The following EPN1 variants were observed in gnomAD, a reference collection of about 807,000 sequenced individuals.
The protein encoded by EPN1 is epsin-1.
Under a neutral mutation model 56.9 loss-of-function variants are expected in EPN1, and 25 were observed. That is an observed-to-expected ratio of 0.44 (90% CI 0.32 to 0.61). The LOEUF is 0.61. EPN1 is among the 20% of genes least tolerant of loss of function. The pLI, the probability that EPN1 is intolerant of heterozygous loss-of-function variation, is 0.05. For synonymous variants in EPN1, 411 were observed against 361.8 expected (o/e 1.14, Z -1.54); for missense variants, 785 against 823.7 (o/e 0.95, Z 0.58).
In EPN1 at chr19:55,695,250, C is replaced by T. The variant is rs1600111527; in HGVS notation, c.1625C>T (p.Pro542Leu). 2 of 1,611,780 alleles carry T rather than the reference C, an allele frequency of 1.2e-6. No individual in the cohort carries two copies. Among genetic ancestry groups the T allele is most frequent in the East Asian group, 2.2e-5 (1 of 44,786 alleles). The change falls in exon 11 of 11, where the codon CCT (proline) becomes CTT (leucine). Residue 542 changes from proline to leucine, a missense_variant. Transcript: ENST00000270460. This position sits in a 1 kb window ranked among gnomAD's most constrained non-coding sequence, Gnocchi z 4.4. Reference sequence around the variant, plus strand: ...CGTCTCAGTCCTGTGCCTCCCGTCCCTGGAGCGCCACCCACGTACATCTCT... The same window carrying T: ...CGTCTCAGTCCTGTGCCTCCCGTCCTTGGAGCGCCACCCACGTACATCTCT... ...QLRLSPVPPV[P>L]GAPPTYISPL... is the part of the protein sequence containing the mutation.
At position 55,685,457 on chromosome 19, in the gene EPN1, A is replaced by G. The variant is rs369542282; in HGVS notation, c.290A>G (p.Lys97Arg). 5 of 1,611,766 alleles carry G rather than the reference A, an allele frequency of 3.1e-6. No homozygotes were observed. Among genetic ancestry groups the G allele is most frequent in the Non-Finnish European group, 4.2e-6 (5 of 1,179,152 alleles). The change falls in exon 3 of 11, where the codon AAG becomes AGG. Residue 97 changes from lysine (K) to arginine (R), a missense_variant. Physicochemically the swap from Lys to Arg is conservative, Grantham distance 26 (BLOSUM62 2). Transcript: ENST00000270460. ...TGSERVSQQC[K>R]ENMYAVQTLK... ...TCGGAGCGCGTGTCGCAGCAGTGCA[A>G]GGAGAACATGTACGCCGTGCAGACG...
rs1367847003 is a variant in EPN1 at position 55,703,605 on chromosome 19, T to G, written c.*8249T>G. 1.3e-5 allele frequency: 2 copies of G among 152,248 alleles called. No individual in the cohort carries two copies. The highest frequency in any genetic ancestry group is 6.5e-5 in the Admixed American group (1 of 15,272). 9.4% of individuals were successfully genotyped at this position (152,248 alleles called of 1,614,324 possible). A position where few individuals can be genotyped will look rare whatever the true frequency, so the allele number is the denominator to read the frequency against. ...CCCCAAAGTACTGGGATTACAGGCGTGAGCCACTGGGCGCAGCCTGGGATC... is the reference window on the plus strand; with the variant it reads ...CCCCAAAGTACTGGGATTACAGGCGGGAGCCACTGGGCGCAGCCTGGGATC... On this transcript the variant is annotated 3_prime_UTR_variant, in exon 11 of 11. Coordinates refer to ENST00000270460, the MANE Select transcript of EPN1 (RefSeq NM_001130072.2).
At position 55,689,289 on chromosome 19, in the gene EPN1, T is replaced by C; in HGVS notation, c.604-8T>C. On this transcript the variant is annotated splice_region_variant and splice_polypyrimidine_tract_variant and intron_variant, in intron 4 of 10. Coordinates refer to ENST00000270460, the MANE Select transcript of EPN1 (RefSeq NM_001130072.2). The surrounding 1 kb of genome is among the most constrained non-coding windows in gnomAD (Gnocchi z 5.7). ...CCCGTCATGCCCCTCACACTCTCTC[T>C]CCCCCAGCCCCCGTCCTGCGGCCCC... 1 of 1,542,194 alleles carries C rather than the reference T, an allele frequency of 6.5e-7. No individual in the cohort carries two copies. The highest frequency in any genetic ancestry group is 2.0e-5 in the Admixed American group (1 of 50,492).
In EPN1 at chr19:55,692,740, C is replaced by T. The variant is rs752631135; in HGVS notation, c.1121C>T (p.Ala374Val). The T allele has an allele frequency of 2.3e-5, 36 of 1,578,628 alleles. No individual in the cohort carries two copies. In the South Asian group the frequency reaches 3.7e-4, roughly 16 times the overall value. The change falls in exon 8 of 11, where the codon GCC becomes GTC. Residue 374 changes from alanine to valine, a missense_variant. Ala to Val is a moderately conservative substitution (Grantham distance 64). Around this residue, in one of 2 missense-constraint regions of EPN1, gnomAD observed 650 missense variants for 605.0 expected, o/e 1.07. Transcript: ENST00000270460. The part of the protein sequence containing the change: ...SASDPWTPAP[A>V]FSDPWGGSPA... ...TCCGATCCCTGGACACCGGCCCCGG[C>T]CTTCTCAGATCCCTGGGGAGGGTCA...
rs368796961 is a variant in EPN1, at chr19:55,700,556, G to A, written c.*5200G>A. On this transcript the variant is annotated 3_prime_UTR_variant, in exon 11 of 11. Transcript: ENST00000270460. Reference sequence around the variant, plus strand: ...ATTACAGGCGTGAGCCACGGCACCCGGCCCATAATTACAAACTTTCTGAGG... The same window carrying A: ...ATTACAGGCGTGAGCCACGGCACCCAGCCCATAATTACAAACTTTCTGAGG... The A allele has an allele frequency of 1.7e-4, 25 of 143,306 alleles. 5 individuals are homozygous for A. Among genetic ancestry groups the A allele is most frequent in the African/African-American group, 6.7e-4 (22 of 33,024 alleles). 8.9% of individuals were successfully genotyped at this position (143,306 alleles called of 1,614,324 possible).
chr19:55,688,808 A>G lies in EPN1; in HGVS notation c.479-62A>G, dbSNP rs376912724. 3.4e-5 allele frequency: 53 copies of G among 1,549,032 alleles called. No homozygotes were observed. The African/African-American group carries it at 4.8e-4, about 14-fold the overall frequency. On this transcript the variant is annotated intron_variant, in intron 3 of 10. Transcript: ENST00000270460. ...ACAGAAGCCCCCGTCTGTCTAGGCT[A>G]TGGGGTTTCCTGTCTCTCGTTCCCT...
intron 3 of EPN1, among the ~76,000 whole-genome samples, chr19:55,688,336 C>T (rs1351408488): frequency 1.3e-5 from 2 of 152,092 alleles, no homozygotes; most frequent in African/African-American, 4.8e-5. Flanking sequence ...CTCTCCCTTC[C>T]CCTCCTGCTC....
chr19:55,688,004 A>G (rs1238816534), intron 3 of EPN1, among the ~76,000 whole-genome samples: 1 of 152,198 alleles, frequency 6.6e-6, no homozygotes, highest in Non-Finnish European at 1.5e-5. Flanking sequence ...ACACAGGTGC[A>G]AGGCGGCGTC....
At position 55,708,252 on chromosome 19, in the gene EPN1, A is replaced by G. The variant is rs1278330069; in HGVS notation, c.*12896A>G. ...CATCATCTTGCTTTTATGTTTTGTA[A>G]TAAAAATTTTAGACCAGGCCAATAA... On this transcript the variant is annotated 3_prime_UTR_variant, in exon 11 of 11. Coordinates refer to ENST00000270460, the MANE Select transcript of EPN1 (RefSeq NM_001130072.2). 6.6e-6 allele frequency: 1 copy of G among 152,220 alleles called. No individual in the cohort carries two copies. Among genetic ancestry groups the G allele is most frequent in the Non-Finnish European group, 1.5e-5 (1 of 68,042 alleles). The allele number at this position is 152,220 out of a possible 1,614,324, so 9.4% of individuals were successfully genotyped here.
intron 1 of EPN1, chr19:55,676,917 A>G (rs1481042532): frequency 6.8e-5 from 29 of 427,904 alleles, no homozygotes; most frequent in Non-Finnish European, 5.9e-5. Flanking sequence ...TTCTGTCAGA[A>G]CTGTCTTCTA....
In EPN1 at chr19:55,691,260, G is replaced by A. The variant is rs563728743; in HGVS notation, c.763-494G>A. ...ACGGCGGGGCAACGTAGGGGGCATC[G>A]TGAGGGGTGCTCAGGTTGACCTGAG... On this transcript the variant is annotated intron_variant, in intron 6 of 10. Transcript: ENST00000270460. The surrounding 1 kb of genome is among the most constrained non-coding windows in gnomAD (Gnocchi z 5.6). 5.3e-5 allele frequency among the ~76,000 whole-genome samples: 8 copies of A among 152,246 alleles called. No individual in the cohort carries two copies. In the South Asian group the frequency reaches 8.3e-4, roughly 16 times the overall value.
At position 55,697,726 on chromosome 19, in the gene EPN1, G is replaced by A. The variant is rs1439638654; in HGVS notation, c.*2370G>A. 6.6e-6 allele frequency: 1 copy of A among 152,132 alleles called. No homozygotes were observed. Among genetic ancestry groups the A allele is most frequent in the Non-Finnish European group, 1.5e-5 (1 of 68,036 alleles). The allele number at this position is 152,132 out of a possible 1,614,324, so 9.4% of individuals were successfully genotyped here. ...TTTCTAGAATATTCCAGCCACCAAA[G>A]TGCTCAGCAGGAGCTGCTGTGTAGG... On this transcript the variant is annotated 3_prime_UTR_variant, in exon 11 of 11. Transcript: ENST00000270460.
At chr19:55,684,465 C>A (rs1986030379) in intron 2 of EPN1, among the ~76,000 whole-genome samples, 1 of 152,164 alleles carries the variant, frequency 6.6e-6, no homozygotes, top group South Asian at 2.1e-4. Flanking sequence ...GTCCCCCCGC[C>A]CCCACTATTA....
chr19:55,689,304 C>T lies in EPN1; in HGVS notation c.611C>T (p.Ser204Phe). Residue 204 changes from serine (S) to phenylalanine (F), a missense_variant, in exon 5 of 11, where the codon TCC becomes TTC. Coordinates refer to ENST00000270460, the MANE Select transcript of EPN1 (RefSeq NM_001130072.2). The surrounding 1 kb of genome is among the most constrained non-coding windows in gnomAD (Gnocchi z 5.7). Reference sequence around the variant, plus strand: ...ACACTCTCTCTCCCCCAGCCCCCGTCCTGCGGCCCCGAGGACGACGCCCAG... The same window carrying T: ...ACACTCTCTCTCCCCCAGCCCCCGTTCTGCGGCCCCGAGGACGACGCCCAG... ...MSKEEADQPP[S>F]CGPEDDAQLQ... 1 of 1,549,982 alleles carries T rather than the reference C, an allele frequency of 6.5e-7. No homozygotes were observed. Among genetic ancestry groups the T allele is most frequent in the Non-Finnish European group, 8.7e-7 (1 of 1,146,098 alleles).
At chr19:55,680,023 A>G (rs1985706328) in intron 2 of EPN1, among the ~76,000 whole-genome samples, 1 of 152,120 alleles carries the variant, frequency 6.6e-6, no homozygotes, top group African/African-American at 2.4e-5. Flanking sequence ...CTGGGGGCAG[A>G]CACAGAGTGG....
Position 55,688,933 on chromosome 19 carries a change from G to A in EPN1, c.542G>A (p.Ser181Asn). Residue 181 changes from serine to asparagine, a missense_variant, in exon 4 of 11, where the codon AGC (serine) becomes AAC (asparagine). Transcript: ENST00000270460. The part of the protein sequence containing the change: ...PEAEQAWPQS[S>N]GEEELQLQLA... Reference sequence around the variant, plus strand: ...GCGGAGCAGGCGTGGCCGCAGAGCAGCGGGGAGGAGGAGCTGCAGCTCCAG... The same window carrying A: ...GCGGAGCAGGCGTGGCCGCAGAGCAACGGGGAGGAGGAGCTGCAGCTCCAG... 6.3e-7 allele frequency: 1 copy of A among 1,595,626 alleles called. No homozygotes were observed. The highest frequency in any genetic ancestry group is 8.5e-7 in the Non-Finnish European group (1 of 1,173,010).
intron 1 of EPN1, chr19:55,677,668 C>T (rs1214332404): frequency 2.6e-6 from 4 of 1,551,406 alleles, no homozygotes; most frequent in East Asian, 2.4e-5. Flanking sequence ...CTCTCCTGAG[C>T]CTTGGGCTTC....
rs1157491985 is a variant in EPN1, at chr19:55,689,001, G to T, written c.603+7G>T. The T allele has an allele frequency of 1.9e-6, 3 of 1,592,394 alleles. No homozygotes were observed. Among genetic ancestry groups the T allele is most frequent in the Non-Finnish European group, 2.6e-6 (3 of 1,173,190 alleles). ...CAAGGAGGAGGCCGACCAGGTACTG[G>T]GCGTGCAGCTGGGGCTGTCTGTCCG... On this transcript the variant is annotated splice_region_variant and intron_variant, in intron 4 of 10. Coordinates refer to ENST00000270460, the MANE Select transcript of EPN1 (RefSeq NM_001130072.2). This position sits in a 1 kb window ranked among gnomAD's most constrained non-coding sequence, Gnocchi z 5.7.
In EPN1 at chr19:55,685,413, G is replaced by A. The variant is rs1986100153; in HGVS notation, c.246G>A (p.Glu82=). ...RHVYKAMTLM[E]YLIKTGSERV... is the part of the protein sequence containing the mutation. ...GCTCGCAGGCCATGACGCTGATGGAGTACCTCATCAAGACCGGCTCGGAGC... is the reference window on the plus strand; with the variant it reads ...GCTCGCAGGCCATGACGCTGATGGAATACCTCATCAAGACCGGCTCGGAGC... The change falls in exon 3 of 11, where the codon GAG becomes GAA. Residue 82 remains glutamate (E), a synonymous_variant. Transcript: ENST00000270460. 2 of 1,611,338 alleles carry A rather than the reference G, an allele frequency of 1.2e-6. No homozygotes were observed. Among genetic ancestry groups the A allele is most frequent in the African/African-American group, 1.3e-5 (1 of 75,020 alleles).
Sources: allele counts gnomAD v4.1 joint callset (sites outside exome capture counted in the v4.1 genomes callset), GRCh38; gene constraint gnomAD v4.1.1; regional missense constraint gnomAD v4.1.1; non-coding constraint Gnocchi (gnomAD v3.1); transcripts MANE v1.5; gene names NCBI Gene and HGNC (gene_info 2026-07-23, HGNC 2026-07-21).